The following C6orf89 variants were observed in gnomAD, a reference collection of about 807,000 sequenced individuals.
The protein encoded by C6orf89 is chromosome 6 open reading frame 89.
In C6orf89, 29 loss-of-function variants were observed where a neutral mutation model predicts 40.7. That is an observed-to-expected ratio of 0.71 (90% CI 0.53 to 0.97). The LOEUF (loss-of-function observed/expected upper bound fraction) is 0.97. Among genes scored for constraint, C6orf89 ranks in the 50% least tolerant of loss-of-function variants. C6orf89 has a pLI of 0.00. For synonymous variants in C6orf89, 165 were observed against 152.2 expected (o/e 1.08, Z -0.62); for missense variants, 392 against 429.1 (o/e 0.91, Z 0.76).
chr6:36,900,138 C>G (rs1157665826), intron 3 of C6orf89, among the ~76,000 whole-genome samples: 1 of 151,480 alleles, frequency 6.6e-6, no homozygotes, highest in Non-Finnish European at 1.5e-5. Context: ...CTGCCCACCT[C>G]AGCCTCCCAA....
At chr6:36,893,584 AT>A (rs1396426630) in intron 1 of C6orf89, among the ~76,000 whole-genome samples, 1 of 152,098 alleles carries the variant, frequency 6.6e-6, no homozygotes. Flanking sequence ...AAAGAAACGT[AT>A]TTTTTTGTGT....
chr6:36,879,744 A>C (rs537552378), intron 2 of C6orf89, among the ~76,000 whole-genome samples: 12 of 151,406 alleles, frequency 7.9e-5, no homozygotes, highest in South Asian at 2.1e-4. Flanking sequence ...CTGAAACACA[A>C]AAAAAAAACT....
upstream of C6orf89, among the ~76,000 whole-genome samples, chr6:36,883,862 A>G (rs1474588163): frequency 6.6e-6 from 1 of 152,270 alleles, no homozygotes; most frequent in Non-Finnish European, 1.5e-5. Flanking sequence ...CAGACTTTAA[A>G]TTCTCCTTTG....
intron 1 of C6orf89, chr6:36,874,786 G>T (rs568557163): frequency 1.2e-6 from 2 of 1,613,926 alleles, no homozygotes; most frequent in Non-Finnish European, 1.7e-6. Flanking sequence ...GAAGCCGGCG[G>T]CGGAATGCTT....
intron 4 of C6orf89, among the ~76,000 whole-genome samples, chr6:36,913,585 G>A (rs1311873243): frequency 2.6e-5 from 4 of 152,234 alleles, no homozygotes; most frequent in Non-Finnish European, 5.9e-5. Context: ...CCCCTGTGCT[G>A]TAGACGTTTC....
chr6:36,919,203 G>T (rs1194513098), intron 7 of C6orf89, among the ~76,000 whole-genome samples: 1 of 152,170 alleles, frequency 6.6e-6, no homozygotes, highest in Non-Finnish European at 1.5e-5. Flanking sequence ...TTGTTAAATT[G>T]CAATTAGGTA....
chr6:36,918,780 G>A (rs1427186581), intron 7 of C6orf89, among the ~76,000 whole-genome samples: 1 of 152,152 alleles, frequency 6.6e-6, no homozygotes, highest in East Asian at 1.9e-4. Flanking sequence ...CCTATTCCTT[G>A]CCCTGGTCCC....
In C6orf89 at chr6:36,926,563, G is replaced by GA. The variant is rs1248049841; in HGVS notation, c.*3123dup. ...AGGAAAGAAAAGAAAAAAAAAAAGAGAGAGAGAAAAGAAGAGGGGAGGGGA... is the reference window on the plus strand; with the variant it reads ...AGGAAAGAAAAGAAAAAAAAAAAGAGAAGAGAGAAAAGAAGAGGGGAGGGGA... On this transcript the variant is annotated 3_prime_UTR_variant, in exon 9 of 9. Coordinates refer to ENST00000480824, the MANE Select transcript of C6orf89 (RefSeq NM_001286635.2). 1.5e-5 allele frequency: 1 copy of GA among 67,718 alleles called. No individual in the cohort carries two copies. Among genetic ancestry groups the GA allele is most frequent in the African/African-American group, 1.0e-4 (1 of 9,728 alleles). 4.2% of individuals were successfully genotyped at this position (67,718 alleles called of 1,614,324 possible).
upstream of C6orf89, among the ~76,000 whole-genome samples, chr6:36,882,715 TTTTTTTTTTTTCTTTTTTC>T (rs1450018060): frequency 9.8e-6 from 1 of 102,018 alleles, no homozygotes; most frequent in Non-Finnish European, 2.3e-5. Flanking sequence ...GTCATTTTCT[TTTTTTTTTTTTCTTTTTTC>T]TTTTTTTTTT....
chr6:36,886,168 C>A, intron 1 of C6orf89, 140 bp downstream of exon 1: 1 of 793,868 alleles, frequency 1.3e-6, no homozygotes, highest in Non-Finnish European at 1.7e-6. Flanking sequence ...TTTTCTCAGT[C>A]TCTCCAGTTT....
intron 4 of C6orf89, among the ~76,000 whole-genome samples, chr6:36,903,511 G>A (rs929127721): frequency 6.6e-6 from 1 of 151,930 alleles, no homozygotes; most frequent in Non-Finnish European, 1.5e-5. Context: ...CCAGGCTGGA[G>A]TGCAGTGGTG....
intron 4 of C6orf89, among the ~76,000 whole-genome samples, chr6:36,913,676 T>C (rs868211370): frequency 6.6e-6 from 1 of 152,378 alleles, no homozygotes. Flanking sequence ...TCCTAGCTGT[T>C]ATGCTTTATT....
chr6:36,916,560 G>A lies in C6orf89; in HGVS notation c.811G>A (p.Val271Ile). The change falls in exon 7 of 9, where the codon GTT becomes ATT. Residue 271 changes from valine (V) to isoleucine (I), a missense_variant. Transcript: ENST00000480824. ...NKCSFLHPEP[V>I]VGSKMHKMPD... ...GTGCTCCTTTCTTCACCCAGAACCTGTTGTGGGGAGTAAGGTAGGAAATTT... is the reference window on the plus strand; with the variant it reads ...GTGCTCCTTTCTTCACCCAGAACCTATTGTGGGGAGTAAGGTAGGAAATTT... 1 of 1,614,142 alleles carries A rather than the reference G, an allele frequency of 6.2e-7. No homozygotes were observed. Among genetic ancestry groups the A allele is most frequent in the Non-Finnish European group, 8.5e-7 (1 of 1,180,024 alleles).
At chr6:36,900,229 T>TCA (rs1259672384) in intron 3 of C6orf89, among the ~76,000 whole-genome samples, 4 of 143,398 alleles carry the variant, frequency 2.8e-5, no homozygotes. Flanking sequence ...TGAGATGGAG[T>TCA]CACACTCTGT....
intron 4 of C6orf89, among the ~76,000 whole-genome samples, chr6:36,910,954 T>G (rs1318198295): frequency 1.3e-5 from 2 of 152,226 alleles, no homozygotes; most frequent in African/African-American, 4.8e-5. Flanking sequence ...AATCTGTATC[T>G]TGTATTCTGT....
chr6:36,905,777 C>T (rs1761904788), intron 4 of C6orf89, among the ~76,000 whole-genome samples: 1 of 152,146 alleles, frequency 6.6e-6, no homozygotes, highest in Non-Finnish European at 1.5e-5. Context: ...ATCATTGAGT[C>T]TTAAAGCCAG....
chr6:36,919,539 T>A (rs753492672), intron 7 of C6orf89, 39 bp from the exon 8 acceptor site: 1 of 1,591,722 alleles, frequency 6.3e-7, no homozygotes, highest in Admixed American at 1.7e-5. Context: ...TTCGTTTTCT[T>A]TGCCTTCCTT....
intron 1 of C6orf89, among the ~76,000 whole-genome samples, chr6:36,889,422 AG>A (rs1346343375): frequency 1.3e-5 from 2 of 152,048 alleles, no homozygotes; most frequent in Non-Finnish European, 2.9e-5. Flanking sequence ...CTCTGAAGGG[AG>A]GGAGGGAGAG....
At chr6:36,901,341 T>A (rs1761700313) in intron 3 of C6orf89, among the ~76,000 whole-genome samples, 1 of 90,578 alleles carries the variant, frequency 1.1e-5, no homozygotes, top group Non-Finnish European at 2.2e-5. Flanking sequence ...TTTTTTTTTT[T>A]TTTTTTTTTT....
Sources: gnomAD v4.1 joint callset for allele counts (sites outside exome capture counted in the v4.1 genomes callset) on GRCh38, gnomAD v4.1.1 for gene constraint, MANE v1.5 for transcripts, NCBI Gene and HGNC (gene_info 2026-07-23, HGNC 2026-07-21) for gene names.